ITPR3: variants seen among roughly 807,000 people sequenced by gnomAD.
ITPR3 encodes the protein inositol 1,4,5-trisphosphate-gated calcium channel ITPR3.
Under a neutral mutation model 293.2 loss-of-function variants are expected in ITPR3, and 173 were observed. The observed-to-expected ratio is 0.59, with a 90% CI of 0.52 to 0.67. The LOEUF (loss-of-function observed/expected upper bound fraction) is 0.67, where lower values mean the gene tolerates loss of function less well. Ranked by LOEUF, ITPR3 falls within the 30% of genes least tolerant of loss-of-function variation. The pLI is 0.00. For synonymous variants in ITPR3, 1,295 were observed against 1,444.4 expected (o/e 0.90, Z 2.35); for missense variants, 2,796 against 3,592.1 (o/e 0.78, Z 5.66).
At position 33,658,647 on chromosome 6, in the gene ITPR3, C is replaced by T; in HGVS notation, c.370-23C>T. The T allele has an allele frequency of 1.2e-6, 2 of 1,612,380 alleles. No homozygotes were observed. The highest frequency in any genetic ancestry group is 1.7e-6 in the Non-Finnish European group (2 of 1,178,810). ...CCGACTCCTGTGGCGCGGTGACCTT[C>T]CCGCACCCCACCTGACCCCCAGCTC... is the stretch of plus-strand genomic sequence containing the variant. On this transcript the variant is annotated intron_variant, in intron 4 of 57. Coordinates refer to ENST00000605930, the MANE Select transcript of ITPR3 (RefSeq NM_002224.4). The surrounding 1 kb of genome is among the most constrained non-coding windows in gnomAD (Gnocchi z 6.1).
chr6:33,646,632 C>T (rs1764072880), intron 2 of ITPR3, among the ~76,000 whole-genome samples: 1 of 151,686 alleles, frequency 6.6e-6, no homozygotes, highest in African/African-American at 2.4e-5. Flanking sequence ...ATTATATTCA[C>T]TTTAGCCAGG....
In ITPR3 at chr6:33,682,441, C is replaced by G; in HGVS notation, c.4477-83C>G. On this transcript the variant is annotated intron_variant, in intron 33 of 57. Transcript: ENST00000605930. The surrounding 1 kb of genome is among the most constrained non-coding windows in gnomAD (Gnocchi z 5.4). Reference sequence around the variant, plus strand: ...CTCCGTCTCTCCACCCATGCCCATTCTGATTGGGCCCTGGTTCCTGGACCT... The same window carrying G: ...CTCCGTCTCTCCACCCATGCCCATTGTGATTGGGCCCTGGTTCCTGGACCT... 6.9e-7 allele frequency: 1 copy of G among 1,439,510 alleles called. No homozygotes were observed. The allele number at this position is 1,439,510 out of a possible 1,614,324, so 89.2% of individuals were successfully genotyped here.
chr6:33,675,015 T>G lies in ITPR3; in HGVS notation c.3117-676T>G, dbSNP rs111784003. Among the ~76,000 whole-genome samples, 2 of 152,160 alleles carry G rather than the reference T, an allele frequency of 1.3e-5. No individual in the cohort carries two copies. The highest frequency in any genetic ancestry group is 2.9e-5 in the Non-Finnish European group (2 of 68,018). Reference sequence around the variant, plus strand: ...TTTCCTCACTGAAGGAAATGCTGTATTTTGGTTAGAGGTTGGGAAAAATAA... The same window carrying G: ...TTTCCTCACTGAAGGAAATGCTGTAGTTTGGTTAGAGGTTGGGAAAAATAA... On this transcript the variant is annotated intron_variant, in intron 24 of 57. Transcript: ENST00000605930. The surrounding 1 kb of genome is among the most constrained non-coding windows in gnomAD (Gnocchi z 5.0).
In ITPR3 at chr6:33,690,211, G is replaced by C. The variant is rs376226944; in HGVS notation, c.7032+13G>C. The C allele has an allele frequency of 8.5e-5, 137 of 1,612,316 alleles. 1 individual carries two copies. The African/African-American group carries it at 1.8e-3, about 21-fold the overall frequency. ...CTACAGCATCCTGGTGAGGCCTTCT[G>C]GGTGGGCTGGGGCTGGATGGGGGCA... On this transcript the variant is annotated intron_variant, in intron 51 of 57. Transcript: ENST00000605930.
rs371905409 is a variant in ITPR3, at chr6:33,687,355, A to G, written c.6177+28A>G. ...ACCAGTTCCACCCGTGGCAACGGCC[A>G]TCACCCCCCTGGCCACCATACCCCG... On this transcript the variant is annotated intron_variant, in intron 45 of 57. Coordinates refer to ENST00000605930, the MANE Select transcript of ITPR3 (RefSeq NM_002224.4). The surrounding 1 kb of genome is among the most constrained non-coding windows in gnomAD (Gnocchi z 5.3). The G allele has an allele frequency of 8.4e-6, 13 of 1,555,416 alleles. No homozygotes were observed. In the African/African-American group the frequency reaches 1.2e-4, roughly 15 times the overall value.
At chr6:33,659,713 C>G (rs1001193225) in intron 7 of ITPR3, among the ~76,000 whole-genome samples, 164 bp downstream of exon 7, 1 of 152,184 alleles carries the variant, frequency 6.6e-6, no homozygotes, top group African/African-American at 2.4e-5. Context: ...CCACATGGCC[C>G]TACCAGGGCT....
chr6:33,636,392 G>T (rs1763824991), intron 1 of ITPR3, among the ~76,000 whole-genome samples: 1 of 152,086 alleles, frequency 6.6e-6, no homozygotes, highest in Non-Finnish European at 1.5e-5. Context: ...CCAGTGAGGA[G>T]GTAGTTACTG....
chr6:33,695,333 C>T (rs1244399238), intron 57 of ITPR3: 1 of 570,716 alleles, frequency 1.8e-6, no homozygotes, highest in Non-Finnish European at 3.1e-6. Context: ...CCCTCTGTCT[C>T]TCATCCCCTT....
At chr6:33,678,936 G>T in intron 30 of ITPR3, 97 bp downstream of exon 30, 2 of 1,268,974 alleles carry the variant, frequency 1.6e-6, no homozygotes, top group Non-Finnish European at 2.2e-6. Flanking sequence ...GTCAGACGGT[G>T]GGTCACAAAA....
In ITPR3 at chr6:33,685,809, C is replaced by T; in HGVS notation, c.5649C>T (p.Asn1883=). The T allele has an allele frequency of 1.3e-6, 2 of 1,573,272 alleles. No individual in the cohort carries two copies. The highest frequency in any genetic ancestry group is 1.7e-6 in the Non-Finnish European group (2 of 1,157,078). The stretch of plus-strand genomic sequence containing the variant: ...GCTTTCTGCAGCTGCTGTGTGAGAA[C>T]CACAACCGGGACCTGCAGGTGAGTG... ...ILRFLQLLCE[N]HNRDLQNFLR... is the part of the protein sequence containing the mutation. Residue 1883 remains asparagine (N), a synonymous_variant, in exon 41 of 58, where the codon AAC becomes AAT. Coordinates refer to ENST00000605930, the MANE Select transcript of ITPR3 (RefSeq NM_002224.4).
At position 33,671,321 on chromosome 6, in the gene ITPR3, C is replaced by A. The variant is rs752731366; in HGVS notation, c.2728+15C>A. ...GGACCCCGGTGGTGAGGCCTTTGCCCGGCTCGGGCCACCCTGGTGGTCCTC... is the reference window on the plus strand; with the variant it reads ...GGACCCCGGTGGTGAGGCCTTTGCCAGGCTCGGGCCACCCTGGTGGTCCTC... On this transcript the variant is annotated intron_variant, in intron 21 of 57. Transcript: ENST00000605930. 2 of 1,596,106 alleles carry A rather than the reference C, an allele frequency of 1.3e-6. No individual in the cohort carries two copies. The highest frequency in any genetic ancestry group is 1.7e-6 in the Non-Finnish European group (2 of 1,169,222).
chr6:33,650,408 G>A (rs9366825), intron 2 of ITPR3, among the ~76,000 whole-genome samples: 40,719 of 152,152 alleles, frequency 0.27, 5,975 homozygotes, highest in East Asian at 0.46. Context: ...CAGTTATTAA[G>A]TTTCCAAGAA....
At chr6:33,629,470 G>A (rs566301328) in intron 1 of ITPR3, among the ~76,000 whole-genome samples, 59 of 150,368 alleles carry the variant, frequency 3.9e-4, no homozygotes, top group South Asian at 1.7e-3. Flanking sequence ...GTGTTTGACC[G>A]ACCATTGGTT....
rs1764498948 is a variant in ITPR3 at position 33,662,525 on chromosome 6, C to T, written c.712-3C>T. 1.3e-6 allele frequency: 2 copies of T among 1,584,724 alleles called. No homozygotes were observed. The highest frequency in any genetic ancestry group is 3.6e-5 in the Admixed American group (2 of 56,000). ...ATCCTGAGCCACACCCTGCTGCCTG[C>T]AGGGAGACGTGGTGCGGCTGTTCCA... On this transcript the variant is annotated splice_polypyrimidine_tract_variant and splice_region_variant and intron_variant, in intron 7 of 57. Transcript: ENST00000605930.
At chr6:33,695,250 CTG>C (rs1160026802) in intron 57 of ITPR3, 165 bp downstream of exon 57, 12 of 739,088 alleles carry the variant, frequency 1.6e-5, no homozygotes, top group Middle Eastern at 7.8e-4. Context: ...GCAAGTCAGA[CTG>C]GGGTTGACAA....
chr6:33,678,886 C>G (rs370121623), intron 30 of ITPR3, 47 bp downstream of exon 30: 1 of 1,564,582 alleles, frequency 6.4e-7, no homozygotes, highest in South Asian at 1.2e-5. Context: ...GGTGGGGGAC[C>G]GGAGCAGAGG....
At chr6:33,622,082 G>C (rs1763451269) in intron 1 of ITPR3, among the ~76,000 whole-genome samples, 1 of 152,116 alleles carries the variant, frequency 6.6e-6, no homozygotes, top group Non-Finnish European at 1.5e-5. Flanking sequence ...CGGAGCTGTC[G>C]GGAGTGGGCA....
At chr6:33,676,747 A>G in intron 25 of ITPR3, 21 bp from the exon 26 acceptor site, 5 of 1,613,354 alleles carry the variant, frequency 3.1e-6, no homozygotes, top group Non-Finnish European at 4.2e-6. Context: ...CTCACCAGCC[A>G]GGCCCATCCT....
intron 2 of ITPR3, among the ~76,000 whole-genome samples, chr6:33,648,946 C>T (rs190486856): frequency 5.7e-4 from 86 of 152,108 alleles, no homozygotes; most frequent in Middle Eastern, 6.8e-3. Flanking sequence ...GTCTTCCAGG[C>T]TGGAGTGCAG....
Sources: gnomAD v4.1 joint callset for allele counts (sites outside exome capture counted in the v4.1 genomes callset) on GRCh38, gnomAD v4.1.1 for gene constraint, Gnocchi (gnomAD v3.1) non-coding constraint, MANE v1.5 for transcripts, NCBI Gene and HGNC (gene_info 2026-07-23, HGNC 2026-07-21) for gene names.